Variants in NSD1 observed in about 807,000 individuals in gnomAD.
NSD1 encodes histone-lysine N-methyltransferase, H3 lysine-36 specific.
NSD1 carries 26 observed loss-of-function variants against 242.7 expected under a neutral mutation model. The observed-to-expected ratio is 0.11, with a 90% CI of 0.08 to 0.15. The LOEUF (loss-of-function observed/expected upper bound fraction) is 0.15. Ranked by LOEUF, NSD1 falls within the 10% of genes least tolerant of loss-of-function variation. The pLI, the probability that NSD1 is intolerant of heterozygous loss-of-function variation, is 1.00. For missense variants in NSD1, 2,495 were observed against 3,272.8 expected, an observed-to-expected ratio of 0.76 and a Z score of 5.80; for synonymous variants, 1,106 against 1,178.1, an observed-to-expected ratio of 0.94 and a Z score of 1.25.
intron 19 of NSD1, among the ~76,000 whole-genome samples, 185 bp downstream of exon 19, chr5:177,282,766 G>C (rs1372987601): frequency 6.6e-6 from 1 of 152,172 alleles, no homozygotes; most frequent in Non-Finnish European, 1.5e-5. Context: ...CATGGCCAGA[G>C]GCAATACAGC....
intron 17 of NSD1, among the ~76,000 whole-genome samples, chr5:177,275,378 T>C (rs1437893916): frequency 6.6e-6 from 1 of 151,414 alleles, no homozygotes; most frequent in Non-Finnish European, 1.5e-5. Context: ...AAATCTAAAG[T>C]GTGACAGTTT....
chr5:177,200,847 G>A (rs956672094), intron 3 of NSD1, among the ~76,000 whole-genome samples: 1 of 151,280 alleles, frequency 6.6e-6, no homozygotes, highest in African/African-American at 2.4e-5. Context: ...TTTCCTTTTG[G>A]CCATTCTGAA....
At chr5:177,242,444 G>T (rs1311653881) in intron 8 of NSD1, among the ~76,000 whole-genome samples, 1 of 151,996 alleles carries the variant, frequency 6.6e-6, no homozygotes, top group Admixed American at 6.6e-5. Flanking sequence ...TGAGCATTCA[G>T]AAATTCACAG....
intron 3 of NSD1, among the ~76,000 whole-genome samples, chr5:177,193,449 G>A (rs1761860476): frequency 6.6e-6 from 1 of 151,880 alleles, no homozygotes; most frequent in African/African-American, 2.4e-5. Flanking sequence ...GCCAATTTTT[G>A]TATTTTTAGT....
At chr5:177,187,442 G>A (rs1414682382) in intron 2 of NSD1, among the ~76,000 whole-genome samples, 1 of 152,080 alleles carries the variant, frequency 6.6e-6, no homozygotes, top group African/African-American at 2.4e-5. Context: ...TTCTTTATCT[G>A]CAAAATCGAG....
At chr5:177,257,173 C>G (rs1434665440) in intron 13 of NSD1, 22 bp downstream of exon 13, 1 of 1,587,210 alleles carries the variant, frequency 6.3e-7, no homozygotes, top group Non-Finnish European at 8.6e-7. Flanking sequence ...TTATGTGGAC[C>G]AGTCTAATTG....
chr5:177,177,284 G>A (rs911213182), intron 2 of NSD1, among the ~76,000 whole-genome samples: 4 of 152,108 alleles, frequency 2.6e-5, no homozygotes, highest in East Asian at 1.9e-4. Flanking sequence ...GGAGGCTGAG[G>A]TGGGTGGGTC....
chr5:177,160,680 G>C (rs1758678417), intron 2 of NSD1, among the ~76,000 whole-genome samples: 1 of 152,082 alleles, frequency 6.6e-6, no homozygotes, highest in Non-Finnish European at 1.5e-5. Context: ...TTTGAAAATT[G>C]CTAACATTAA....
At chr5:177,161,070 T>A (rs1321400765) in intron 2 of NSD1, among the ~76,000 whole-genome samples, 1 of 152,040 alleles carries the variant, frequency 6.6e-6, no homozygotes, top group African/African-American at 2.4e-5. Context: ...CTCCCAAAGC[T>A]GCTGCTTTGG....
intron 2 of NSD1, among the ~76,000 whole-genome samples, chr5:177,156,519 A>T (rs1192645358): frequency 6.6e-6 from 1 of 152,100 alleles, no homozygotes; most frequent in Non-Finnish European, 1.5e-5. Context: ...GCATGAACTT[A>T]AAAAATCAGA....
chr5:177,204,301 C>G lies in NSD1; in HGVS notation c.1236+9C>G, dbSNP rs886042263. ...AAGGATATAGGCATAAGGTAGGAAA[C>G]GAAAAAGGCTTTTTATTGAGTGACA... is the stretch of plus-strand genomic sequence containing the variant. On this transcript the variant is annotated intron_variant, in intron 4 of 22. Transcript: ENST00000439151. The G allele has an allele frequency of 6.2e-7, 1 of 1,611,822 alleles. No individual in the cohort carries two copies. The highest frequency in any genetic ancestry group is 1.3e-5 in the African/African-American group (1 of 74,868).
At chr5:177,176,294 T>C (rs1760198503) in intron 2 of NSD1, among the ~76,000 whole-genome samples, 1 of 150,770 alleles carries the variant, frequency 6.6e-6, no homozygotes, top group Admixed American at 6.6e-5. Flanking sequence ...AGTTTCACGC[T>C]TTTTGCCTAG....
intron 2 of NSD1, among the ~76,000 whole-genome samples, chr5:177,175,356 T>C (rs1760107061): frequency 6.6e-6 from 1 of 152,100 alleles, no homozygotes; most frequent in Admixed American, 6.6e-5. Context: ...GCTGGGGACG[T>C]GGCTCACACC....
At position 177,259,023 on chromosome 5, in the gene NSD1, C is replaced by T. The variant is rs577007050; in HGVS notation, c.4967-966C>T. Among the ~76,000 whole-genome samples the T allele has an allele frequency of 5.3e-5, 8 of 152,160 alleles. No homozygotes were observed. In the East Asian group the frequency reaches 9.7e-4, roughly 18 times the overall value. On this transcript the variant is annotated intron_variant, in intron 13 of 22. Transcript: ENST00000439151. The stretch of plus-strand genomic sequence containing the variant: ...CTACTTTTTATATTTTTAGTATAGA[C>T]GGGGTTTCGCCATGTTGGCCAGACT...
intron 5 of NSD1, among the ~76,000 whole-genome samples, chr5:177,221,437 A>T (rs192755036): frequency 1.5e-4 from 23 of 152,088 alleles, no homozygotes; most frequent in Non-Finnish European, 3.1e-4. Flanking sequence ...TAAGCTGTTA[A>T]CAACTTAAGT....
intron 13 of NSD1, among the ~76,000 whole-genome samples, chr5:177,259,771 T>C (rs545778075): frequency 2.6e-5 from 4 of 152,218 alleles, no homozygotes; most frequent in Non-Finnish European, 4.4e-5. Context: ...GCAGGCTCAC[T>C]GACAGTTACG....
At chr5:177,286,844 C>G (rs900256440) in intron 20 of NSD1, among the ~76,000 whole-genome samples, 1 of 152,308 alleles carries the variant, frequency 6.6e-6, no homozygotes, top group Admixed American at 6.5e-5. Context: ...TTCCTGTGTT[C>G]ATCAGCTCAG....
Position 177,212,135 on chromosome 5 carries a change from G to A in NSD1, c.3736G>A (p.Asp1246Asn). The A allele has an allele frequency of 6.2e-7, 1 of 1,613,970 alleles. No homozygotes were observed. The highest frequency in any genetic ancestry group is 8.5e-7 in the Non-Finnish European group (1 of 1,179,984). Reference protein sequence around the residue: ...VCDKSSASIGDMEKEPGIPSL... With the variant: ...VCDKSSASIGNMEKEPGIPSL... Reference sequence around the variant, plus strand: ...TGATAAATCCAGTGCCAGCATTGGTGACATGGAAAAGGAGCCAGGAATTCC... The same window carrying A: ...TGATAAATCCAGTGCCAGCATTGGTAACATGGAAAAGGAGCCAGGAATTCC... Residue 1246 changes from aspartate to asparagine, a missense_variant, in exon 5 of 23, where the codon GAC (aspartate) becomes AAC (asparagine). Asp to Asn is a conservative substitution (Grantham distance 23). This residue lies in a region of NSD1 where 426 missense variants were observed against 411.4 expected (regional missense o/e 1.04). Coordinates refer to ENST00000439151, the MANE Select transcript of NSD1 (RefSeq NM_022455.5).
At chr5:177,263,527 A>C (rs1757157324) in intron 14 of NSD1, among the ~76,000 whole-genome samples, 1 of 152,192 alleles carries the variant, frequency 6.6e-6, no homozygotes, top group Non-Finnish European at 1.5e-5. Flanking sequence ...TGGCAGTTTC[A>C]CCTTAGAAGT....
Sources: gnomAD v4.1 joint callset for allele counts (sites outside exome capture counted in the v4.1 genomes callset) on GRCh38, gnomAD v4.1.1 for gene constraint, gnomAD v4.1.1 regional missense constraint, MANE v1.5 for transcripts, NCBI Gene and HGNC (gene_info 2026-07-23, HGNC 2026-07-21) for gene names.